DSCAM: variants seen among roughly 807,000 people sequenced by gnomAD.
DSCAM encodes cell adhesion molecule DSCAM.
In DSCAM, 47 loss-of-function variants were observed where a neutral mutation model predicts 217.7. That is an observed-to-expected ratio of 0.22 (90% confidence interval 0.17 to 0.28). DSCAM has a LOEUF of 0.28. DSCAM is among the 10% of genes least tolerant of loss of function. DSCAM has a pLI of 1.00. For missense variants in DSCAM, 2,080 were observed against 2,618.3 expected, an observed-to-expected ratio of 0.79 and a Z score of 4.49; for synonymous variants, 1,056 against 1,015.3, an observed-to-expected ratio of 1.04 and a Z score of -0.76.
chr21:40,273,327 A>T (rs1301948267), intron 11 of DSCAM, among the ~76,000 whole-genome samples: 1 of 152,202 alleles, frequency 6.6e-6, no homozygotes, highest in Non-Finnish European at 1.5e-5. Flanking sequence ...AGTCATGAAG[A>T]GGTGCATTTA....
At chr21:40,812,320 C>A (rs1601296877) in intron 1 of DSCAM, among the ~76,000 whole-genome samples, 1 of 152,162 alleles carries the variant, frequency 6.6e-6, no homozygotes, top group Admixed American at 6.5e-5. Context: ...TCAATGACAG[C>A]ACCATCACAC....
chr21:40,239,007 A>T (rs907989332), intron 11 of DSCAM, among the ~76,000 whole-genome samples: 1 of 152,176 alleles, frequency 6.6e-6, no homozygotes, highest in African/African-American at 2.4e-5. Flanking sequence ...CGTCTAACTT[A>T]TGATCTTTTA....
In DSCAM at chr21:40,133,995, T is replaced by G; in HGVS notation, c.3421A>C (p.Lys1141Gln). The change falls in exon 19 of 33, where the codon AAA (lysine) becomes CAA (glutamine). Residue 1141 changes from lysine (K) to glutamine (Q), a missense_variant. Physicochemically the swap from Lys to Gln is moderately conservative, Grantham distance 53. Coordinates refer to ENST00000400454, the MANE Select transcript of DSCAM (RefSeq NM_001389.5). ...NLMDGELGEI[K>Q]NITTTQPSLE... ...GAAGGCTGTGTGGTGGTGATGTTTT[T>G]AATCTCACCCAGCTCTGGAGGACAA... The G allele has an allele frequency of 6.2e-7, 1 of 1,610,192 alleles. No homozygotes were observed. Among genetic ancestry groups the G allele is most frequent in the East Asian group, 2.2e-5 (1 of 44,626 alleles).
At chr21:40,497,224 G>C (rs2076125982) in intron 3 of DSCAM, among the ~76,000 whole-genome samples, 1 of 152,148 alleles carries the variant, frequency 6.6e-6, no homozygotes, top group East Asian at 1.9e-4. Context: ...ATTCACAATA[G>C]ACAAAAATTA....
At chr21:40,766,874 C>T (rs2091397456) in intron 1 of DSCAM, among the ~76,000 whole-genome samples, 3 of 151,912 alleles carry the variant, frequency 2.0e-5, no homozygotes, top group South Asian at 4.2e-4. Flanking sequence ...TTAGTAAAGA[C>T]GGGGTTTCAC....
intron 10 of DSCAM, among the ~76,000 whole-genome samples, chr21:40,292,207 G>A (rs1243234329): frequency 3.4e-5 from 1 of 29,842 alleles, no homozygotes; most frequent in African/African-American, 1.0e-4. Context: ...TTTTTTTTTT[G>A]TAGCAAAGAT....
chr21:40,166,859 GC>G (rs1416925965), intron 16 of DSCAM, among the ~76,000 whole-genome samples: 5 of 152,080 alleles, frequency 3.3e-5, no homozygotes, highest in African/African-American at 1.2e-4. Context: ...GCCACCGCAT[GC>G]TTTGCCATTT....
chr21:40,353,801 G>T, intron 4 of DSCAM, 58 bp from the exon 5 acceptor site: 1 of 1,393,820 alleles, frequency 7.2e-7, no homozygotes, highest in Non-Finnish European at 9.4e-7. Flanking sequence ...TGGTCATTTA[G>T]AATTGTAGGA....
intron 3 of DSCAM, among the ~76,000 whole-genome samples, chr21:40,517,260 C>T (rs534605142): frequency 2.0e-5 from 3 of 148,194 alleles, no homozygotes; most frequent in Non-Finnish European, 4.5e-5. Context: ...TATATATATA[C>T]CTTATATATT....
chr21:40,730,106 G>A (rs1438243719), intron 1 of DSCAM, among the ~76,000 whole-genome samples: 1 of 152,124 alleles, frequency 6.6e-6, no homozygotes, highest in African/African-American at 2.4e-5. Flanking sequence ...TAGCCACTCA[G>A]GTCTCTTTCC....
At chr21:40,332,975 A>G (rs933703762) in intron 8 of DSCAM, among the ~76,000 whole-genome samples, 2 of 152,214 alleles carry the variant, frequency 1.3e-5, no homozygotes, top group African/African-American at 4.8e-5. Context: ...GGGACAAGAT[A>G]ACAATAATTT....
At chr21:40,371,469 G>A (rs993656440) in intron 3 of DSCAM, among the ~76,000 whole-genome samples, 3 of 151,784 alleles carry the variant, frequency 2.0e-5, no homozygotes, top group Non-Finnish European at 2.9e-5. Flanking sequence ...CCTTCTTAGC[G>A]TGGAGTATTT....
rs371517937 is a variant in DSCAM, at chr21:40,280,274, C to T, written c.2183-4004G>A. On this transcript the variant is annotated intron_variant, in intron 10 of 32. Coordinates refer to ENST00000400454, the MANE Select transcript of DSCAM (RefSeq NM_001389.5). ...ATAGCTCGCTGTGGCCTCGAACTCC[C>T]GGGTTCAAGCAATCCTCCCCCCTCA... Among the ~76,000 whole-genome samples, 55 of 150,512 alleles carry T rather than the reference C, an allele frequency of 3.7e-4. No individual in the cohort carries two copies. In the South Asian group the frequency reaches 6.6e-3, roughly 18 times the overall value.
intron 3 of DSCAM, among the ~76,000 whole-genome samples, chr21:40,635,116 A>G (rs910879182): frequency 6.6e-6 from 1 of 152,164 alleles, no homozygotes; most frequent in Admixed American, 6.5e-5. Flanking sequence ...CAGCCTGTAG[A>G]GAGGTAGGTC....
intron 11 of DSCAM, among the ~76,000 whole-genome samples, chr21:40,275,819 C>G (rs1161845535): frequency 6.6e-6 from 1 of 152,118 alleles, no homozygotes; most frequent in Non-Finnish European, 1.5e-5. Context: ...TTGCCCAGAG[C>G]CCATACCAAT....
chr21:40,775,540 G>C (rs527245390), intron 1 of DSCAM, among the ~76,000 whole-genome samples: 4 of 152,156 alleles, frequency 2.6e-5, no homozygotes, highest in Admixed American at 6.5e-5. Context: ...ATTGGAAAAA[G>C]CTGTCAGCAA....
At chr21:40,252,940 G>A (rs886102320) in intron 11 of DSCAM, among the ~76,000 whole-genome samples, 119 of 152,146 alleles carry the variant, frequency 7.8e-4, no homozygotes, top group Admixed American at 1.0e-3. Context: ...AGTAAGGGGC[G>A]GGGGGCTGAG....
intron 27 of DSCAM, among the ~76,000 whole-genome samples, chr21:40,071,259 ACTC>A (rs2089289091): frequency 6.6e-6 from 1 of 152,110 alleles, no homozygotes; most frequent in African/African-American, 2.4e-5. Context: ...CGGCTCCTGA[ACTC>A]CTGGATAAGG....
At chr21:40,491,189 G>A (rs1428078910) in intron 3 of DSCAM, among the ~76,000 whole-genome samples, 1 of 152,106 alleles carries the variant, frequency 6.6e-6, no homozygotes, top group Non-Finnish European at 1.5e-5. Context: ...AAAAATAAAT[G>A]CTTTCTAGTG....
Sources: gnomAD v4.1 joint callset for allele counts (sites outside exome capture counted in the v4.1 genomes callset) on GRCh38, gnomAD v4.1.1 for gene constraint, MANE v1.5 for transcripts, NCBI Gene and HGNC (gene_info 2026-07-23, HGNC 2026-07-21) for gene names.